The following WRAP53 variants were observed in gnomAD, a reference collection of about 807,000 sequenced individuals.
WRAP53 encodes telomerase Cajal body protein 1.
A neutral mutation model predicts 56.6 loss-of-function variants in WRAP53; 28 were observed. The ratio of observed to expected loss-of-function variants is 0.50; its 90% CI spans 0.37 to 0.68. The LOEUF (loss-of-function observed/expected upper bound fraction) is 0.68. Among genes scored for constraint, WRAP53 ranks in the 30% least tolerant of loss-of-function variants. WRAP53 has a pLI of 0.00. For missense variants in WRAP53, 671 were observed against 715.5 expected, an observed-to-expected ratio of 0.94 and a Z score of 0.71; for synonymous variants, 283 against 283.4, an observed-to-expected ratio of 1.00 and a Z score of 0.01.
In WRAP53 at chr17:7,701,340, A is replaced by G. The variant is rs1274467861; in HGVS notation, c.732-119A>G. On this transcript the variant is annotated intron_variant, in intron 5 of 10. Transcript: ENST00000396463. This position sits in a 1 kb window ranked among gnomAD's most constrained non-coding sequence, Gnocchi z 4.2. ...GGCTGGTCTCGAACTCCTGACCTCA[A>G]GTGATCCACCTGCCTTGGCCTCCCA... The G allele has an allele frequency of 1.3e-5, 14 of 1,076,428 alleles. No homozygotes were observed. Among genetic ancestry groups the G allele is most frequent in the Non-Finnish European group, 2.0e-5 (14 of 695,106 alleles). The allele number at this position is 1,076,428 out of a possible 1,614,324, so 66.7% of individuals were successfully genotyped here.
At chr17:7,694,275 G>T (rs1171773098) in intron 4 of WRAP53, among the ~76,000 whole-genome samples, 4 of 123,884 alleles carry the variant, frequency 3.2e-5, no homozygotes, top group African/African-American at 1.3e-4. Flanking sequence ...ACAGAGTCTC[G>T]CTCTGTGGCC....
intron 2 of WRAP53, 21 bp downstream of exon 2, chr17:7,689,100 A>C (rs753373502): frequency 2.7e-5 from 43 of 1,613,860 alleles, no homozygotes; most frequent in Middle Eastern, 1.6e-4. Context: ...ATGGCAGTGG[A>C]GTGTGGAGTC....
chr17:7,699,405 G>C (rs2074227503), intron 4 of WRAP53, among the ~76,000 whole-genome samples: 1 of 138,354 alleles, frequency 7.2e-6, no homozygotes, highest in Non-Finnish European at 1.5e-5. Flanking sequence ...GGGTGACAGA[G>C]TGAGACTCTG....
Position 7,688,489 on chromosome 17 carries a change from A to C in WRAP53, c.-74A>C. 1 of 750,596 alleles carries C rather than the reference A, an allele frequency of 1.3e-6. No homozygotes were observed. The highest frequency in any genetic ancestry group is 1.8e-5 in the South Asian group (1 of 54,672). The allele number at this position is 750,596 out of a possible 1,614,324, so 46.5% of individuals were successfully genotyped here. A position where few individuals can be genotyped will look rare whatever the true frequency, so the allele number is the denominator to read the frequency against. On this transcript the variant is annotated 5_prime_UTR_variant, in exon 1 of 11. Transcript: ENST00000396463. ...TGCTAAGGAACACAGTGCTTTCAAA[A>C]GAATTGGCGTCCGCTGTTCGCCTCT... is the stretch of plus-strand genomic sequence containing the variant.
rs79199718 is a variant in WRAP53, at chr17:7,688,511, C to T, written c.-52C>T. The stretch of plus-strand genomic sequence containing the variant: ...AAAAGAATTGGCGTCCGCTGTTCGC[C>T]TCTCCTCCCGGGAGTCTTCTGCCTA... On this transcript the variant is annotated 5_prime_UTR_variant, in exon 1 of 11. Transcript: ENST00000396463. 527 of 910,736 alleles carry T rather than the reference C, an allele frequency of 5.8e-4. 5 individuals carry two copies. In the East Asian group the frequency reaches 0.011, roughly 19 times the overall value. The allele number at this position is 910,736 out of a possible 1,614,324, so 56.4% of individuals were successfully genotyped here.
chr17:7,687,751 G>A (rs1411847750), upstream of WRAP53: 1 of 397,310 alleles, frequency 2.5e-6, no homozygotes, highest in Non-Finnish European at 4.4e-6. Flanking sequence ...CAGAATTGGT[G>A]GAAATCATTT....
At chr17:7,690,430 G>C (rs1183674979) in intron 4 of WRAP53, among the ~76,000 whole-genome samples, 2 of 152,218 alleles carry the variant, frequency 1.3e-5, no homozygotes, top group Non-Finnish European at 2.9e-5. Flanking sequence ...ACAGAATGAA[G>C]AGAGACTAAC....
chr17:7,695,705 G>A (rs141105792), intron 4 of WRAP53, among the ~76,000 whole-genome samples: 89 of 152,168 alleles, frequency 5.8e-4, no homozygotes, highest in African/African-American at 2.0e-3. Flanking sequence ...GGTGACCTCA[G>A]GTATCCAAGC....
Position 7,689,062 on chromosome 17 carries a change from A to T in WRAP53, c.414A>T (p.Ala138=). 1.2e-6 allele frequency: 2 copies of T among 1,614,156 alleles called. No individual in the cohort carries two copies. Among genetic ancestry groups the T allele is most frequent in the Non-Finnish European group, 1.7e-6 (2 of 1,180,012 alleles). The change falls in exon 2 of 11, where the codon GCA becomes GCT. Residue 138 remains alanine, a synonymous_variant. Coordinates refer to ENST00000396463, the MANE Select transcript of WRAP53 (RefSeq NM_001143992.2). The part of the protein sequence containing the change: ...AMEDTSGEPA[A]EDEGDTAWNY... ...AAGATACCTCTGGGGAACCCGCTGC[A>T]GAGGACGAGGGAGACACGTAAGTGG...
chr17:7,687,229 C>G (rs17886250), upstream of WRAP53: 1 of 397,768 alleles, frequency 2.5e-6, no homozygotes, highest in South Asian at 1.4e-4. Flanking sequence ...GATGATCCCT[C>G]TAGCCAAGCT....
chr17:7,703,228 C>T lies in WRAP53; in HGVS notation c.1404-15C>T, dbSNP rs2151097587. ...CACTGAAGGCACTGATAGACCCTCC[C>T]CATCTCTCCCTCAGCCTGCACCCTA... On this transcript the variant is annotated splice_polypyrimidine_tract_variant and intron_variant, in intron 10 of 10. Transcript: ENST00000396463. 3 of 1,613,274 alleles carry T rather than the reference C, an allele frequency of 1.9e-6. No homozygotes were observed. The highest frequency in any genetic ancestry group is 2.5e-6 in the Non-Finnish European group (3 of 1,180,020).
At chr17:7,691,248 A>G (rs1314070908) in intron 4 of WRAP53, among the ~76,000 whole-genome samples, 1 of 150,868 alleles carries the variant, frequency 6.6e-6, no homozygotes, top group Non-Finnish European at 1.5e-5. Flanking sequence ...AAACAAACAC[A>G]AAACAAAAAA....
At position 7,688,497 on chromosome 17, in the gene WRAP53, C is replaced by T. The variant is rs1286010967; in HGVS notation, c.-66C>T. On this transcript the variant is annotated 5_prime_UTR_variant, in exon 1 of 11. Transcript: ENST00000396463. ...AACACAGTGCTTTCAAAAGAATTGG[C>T]GTCCGCTGTTCGCCTCTCCTCCCGG... The T allele has an allele frequency of 2.6e-6, 2 of 774,332 alleles. No homozygotes were observed. The highest frequency in any genetic ancestry group is 2.7e-5 in the East Asian group (1 of 37,290). The allele number at this position is 774,332 out of a possible 1,614,324, so 48.0% of individuals were successfully genotyped here. A position where few individuals can be genotyped will look rare whatever the true frequency, so the allele number is the denominator to read the frequency against.
chr17:7,688,806 T>A lies in WRAP53; in HGVS notation c.158T>A (p.Leu53Ter). Residue 53 changes from leucine (L) to a stop codon, truncating the protein, a stop_gained, in exon 2 of 11, where the codon TTG becomes TAG. Coordinates refer to ENST00000396463, the MANE Select transcript of WRAP53 (RefSeq NM_001143992.2). LOFTEE classifies it high-confidence loss of function. ...PPPERGDPPRLSPDPVAGSAV... is the reference protein window; with the variant it reads ...PPPERGDPPR Reference sequence around the variant, plus strand: ...CCCGAAAGGGGGGATCCGCCCCGGTTGTCCCCAGATCCTGTGGCTGGCTCA... The same window carrying A: ...CCCGAAAGGGGGGATCCGCCCCGGTAGTCCCCAGATCCTGTGGCTGGCTCA... The A allele has an allele frequency of 6.2e-7, 1 of 1,614,212 alleles. No homozygotes were observed. The highest frequency in any genetic ancestry group is 8.5e-7 in the Non-Finnish European group (1 of 1,180,036).
chr17:7,701,431 G>A lies in WRAP53; in HGVS notation c.732-28G>A, dbSNP rs773111498. 11 of 1,612,898 alleles carry A rather than the reference G, an allele frequency of 6.8e-6. No individual in the cohort carries two copies. The South Asian group carries it at 7.7e-5, about 11-fold the overall frequency. On this transcript the variant is annotated intron_variant, in intron 5 of 10. Coordinates refer to ENST00000396463, the MANE Select transcript of WRAP53 (RefSeq NM_001143992.2). The surrounding 1 kb of genome is among the most constrained non-coding windows in gnomAD (Gnocchi z 4.2). ...TTCCTCCCCTTCCTTTGACAGCACCGGGGTTTCAGTGTCCATGTCTCTCTC... is the reference window on the plus strand; with the variant it reads ...TTCCTCCCCTTCCTTTGACAGCACCAGGGTTTCAGTGTCCATGTCTCTCTC...
intron 4 of WRAP53, among the ~76,000 whole-genome samples, chr17:7,694,242 C>CTTTTTTTTT (rs749740076): frequency 1.7e-4 from 21 of 122,618 alleles, no homozygotes; most frequent in Non-Finnish European, 3.0e-4. Context: ...TTTTTTCTTT[C>CTTTTTTTTT]TTTTTTTTTT....
Position 7,689,619 on chromosome 17 carries a change from A to C in WRAP53, c.560A>C (p.Asn187Thr), listed in dbSNP as rs35762939. The C allele has an allele frequency of 8.4e-5, 136 of 1,614,060 alleles. No individual in the cohort carries two copies. The highest frequency in any genetic ancestry group is 1.1e-4 in the Non-Finnish European group (133 of 1,179,994). Residue 187 changes from asparagine (N) to threonine (T), a missense_variant, in exon 4 of 11, where the codon AAT (asparagine) becomes ACT (threonine). Around this residue, in one of 3 missense-constraint regions of WRAP53, gnomAD observed 406 missense variants for 418.5 expected, o/e 0.97. Transcript: ENST00000396463. Reference protein sequence around the residue: ...WAPDGSCILTNSADNILRIYN... With the variant: ...WAPDGSCILTTSADNILRIYN... ...CCTGACGGTTCCTGCATCTTGACCA[A>C]TAGTGCTGATAACATCTTGCGAATT...
intron 4 of WRAP53, among the ~76,000 whole-genome samples, chr17:7,695,337 T>A (rs887154607): frequency 2.6e-5 from 4 of 152,154 alleles, no homozygotes; most frequent in Non-Finnish European, 5.9e-5. Context: ...GTACTGAGTC[T>A]TCTTCCCAAT....
In WRAP53 at chr17:7,689,015, T is replaced by C. The variant is rs2151085219; in HGVS notation, c.367T>C (p.Leu123=). 2 of 1,613,638 alleles carry C rather than the reference T, an allele frequency of 1.2e-6. No individual in the cohort carries two copies. Among genetic ancestry groups the C allele is most frequent in the East Asian group, 2.2e-5 (1 of 44,866 alleles). ...LSEEEANGPE[L]GSGKAMEDTS... is the part of the protein sequence containing the mutation. ...TGAAGAAGAAGCGAACGGGCCAGAG[T>C]TGGGGTCTGGAAAAGCCATGGAAGA... Residue 123 remains leucine, a synonymous_variant, in exon 2 of 11, where the codon TTG becomes CTG. Coordinates refer to ENST00000396463, the MANE Select transcript of WRAP53 (RefSeq NM_001143992.2).
Sources: allele counts gnomAD v4.1 joint callset (sites outside exome capture counted in the v4.1 genomes callset), GRCh38; gene constraint gnomAD v4.1.1; regional missense constraint gnomAD v4.1.1; non-coding constraint Gnocchi (gnomAD v3.1); transcripts MANE v1.5; gene names NCBI Gene and HGNC (gene_info 2026-07-23, HGNC 2026-07-21).